TMC7: variants seen among roughly 807,000 people sequenced by gnomAD.
The protein encoded by TMC7 is transmembrane channel-like protein 7.
Under a neutral mutation model 82.9 loss-of-function variants are expected in TMC7, and 54 were observed. That is an observed-to-expected ratio of 0.65 (90% CI 0.52 to 0.82). The LOEUF (loss-of-function observed/expected upper bound fraction) is 0.82, where lower values mean the gene tolerates loss of function less well. Ranked by LOEUF, TMC7 falls within the 40% of genes least tolerant of loss-of-function variation. TMC7 has a pLI of 0.00. For synonymous variants in TMC7, 350 were observed against 337.9 expected, an observed-to-expected ratio of 1.04 and a Z score of -0.39; for missense variants, 820 against 901.2, an observed-to-expected ratio of 0.91 and a Z score of 1.15.
At chr16:18,984,862 A>T (rs1567493521) in intron 1 of TMC7, among the ~76,000 whole-genome samples, 1 of 152,214 alleles carries the variant, frequency 6.6e-6, no homozygotes, top group Non-Finnish European at 1.5e-5. Flanking sequence ...TCCTTGTAGC[A>T]TTTGGAGCTT....
intron 1 of TMC7, among the ~76,000 whole-genome samples, chr16:19,005,922 A>G (rs2039231957): frequency 6.6e-6 from 1 of 152,134 alleles, no homozygotes; most frequent in South Asian, 2.1e-4. Context: ...GCAGGGCCCC[A>G]GCCACGTGTC....
intron 14 of TMC7, 95 bp from the exon 15 acceptor site, chr16:19,059,321 G>T: frequency 6.5e-7 from 1 of 1,547,584 alleles, no homozygotes. Flanking sequence ...TCTAACAAGA[G>T]TAAAACTGTT....
intron 1 of TMC7, among the ~76,000 whole-genome samples, chr16:18,991,797 C>T (rs1014230826): frequency 2.6e-5 from 4 of 152,074 alleles, no homozygotes; most frequent in Non-Finnish European, 4.4e-5. Flanking sequence ...CAAGTGTTCT[C>T]ATTGTTCAAT....
intron 8 of TMC7, among the ~76,000 whole-genome samples, chr16:19,040,013 G>T (rs1251210312): frequency 6.6e-6 from 1 of 151,300 alleles, no homozygotes; most frequent in East Asian, 2.0e-4. Flanking sequence ...CTACTCGGGA[G>T]GCTGAGGCAG....
At chr16:18,989,861 C>T (rs1259615350) in intron 1 of TMC7, among the ~76,000 whole-genome samples, 6 of 151,556 alleles carry the variant, frequency 4.0e-5, no homozygotes, top group Non-Finnish European at 8.8e-5. Context: ...CTAGCTCTGT[C>T]GCCCAGCCTG....
chr16:19,042,560 T>C (rs889944839), intron 9 of TMC7, among the ~76,000 whole-genome samples: 7 of 151,108 alleles, frequency 4.6e-5, no homozygotes, highest in African/African-American at 1.2e-4. Flanking sequence ...CAGGCTGGAA[T>C]GCAGTGGCTC....
At chr16:19,031,983 A>G (rs1159264448) in intron 6 of TMC7, among the ~76,000 whole-genome samples, 1 of 152,154 alleles carries the variant, frequency 6.6e-6, no homozygotes, top group Non-Finnish European at 1.5e-5. Flanking sequence ...GCCAGGAAAC[A>G]TTGCTTCTGG....
chr16:19,005,670 A>T (rs1331748773), intron 1 of TMC7, among the ~76,000 whole-genome samples: 1 of 152,200 alleles, frequency 6.6e-6, no homozygotes. Context: ...CAGTAGGTCC[A>T]TGCTGTTCTA....
intron 1 of TMC7, among the ~76,000 whole-genome samples, chr16:18,989,052 CAAAAA>C (rs11351746): frequency 9.0e-6 from 1 of 111,052 alleles, no homozygotes. Flanking sequence ...GACTCTGTCT[CAAAAA>C]AAAAAAAAAA....
chr16:18,992,870 C>A (rs1382997932), intron 1 of TMC7, among the ~76,000 whole-genome samples: 1 of 152,110 alleles, frequency 6.6e-6, no homozygotes. Flanking sequence ...TTCCCCATTT[C>A]TTGTTATTGT....
At chr16:19,011,447 T>C (rs1236059053) in intron 2 of TMC7, among the ~76,000 whole-genome samples, 1 of 151,638 alleles carries the variant, frequency 6.6e-6, no homozygotes, top group Non-Finnish European at 1.5e-5. Context: ...CGCAGGAGGA[T>C]TGCTTGACAG....
At chr16:19,016,684 G>T in intron 3 of TMC7, 86 bp downstream of exon 3, 3 of 1,401,876 alleles carry the variant, frequency 2.1e-6, no homozygotes, top group Non-Finnish European at 2.9e-6. Flanking sequence ...CTAGGGTCTA[G>T]CTGAAATTGA....
rs1271259749 is a variant in TMC7 at position 18,984,127 on chromosome 16, C to A, written c.64C>A (p.Pro22Thr). Residue 22 changes from proline (P) to threonine (T), a missense_variant, in exon 1 of 16, where the codon CCA becomes ACA. Pro to Thr is a conservative substitution (Grantham distance 38). Around this residue, in one of 2 missense-constraint regions of TMC7, gnomAD observed 650 missense variants for 669.9 expected, o/e 0.97. Coordinates refer to ENST00000304381, the MANE Select transcript of TMC7 (RefSeq NM_024847.4). ...GRPSRQPAVH[P>T]ENLSLDSSCF... ...GCCCAGCCGGCAGCCGGCGGTCCAT[C>A]CAGGTAGGGCGGCAGGGAGCGCGCG... 1 of 1,499,688 alleles carries A rather than the reference C, an allele frequency of 6.7e-7. No homozygotes were observed. The highest frequency in any genetic ancestry group is 1.5e-5 in the African/African-American group (1 of 68,858). The allele number at this position is 1,499,688 out of a possible 1,614,324, so 92.9% of individuals were successfully genotyped here.
At chr16:18,987,362 G>A (rs2038870168) in intron 1 of TMC7, among the ~76,000 whole-genome samples, 1 of 152,054 alleles carries the variant, frequency 6.6e-6, no homozygotes. Flanking sequence ...CCAGGCTGGA[G>A]TGCAGTAGCG....
At chr16:19,040,031 G>T (rs899213947) in intron 8 of TMC7, among the ~76,000 whole-genome samples, 1 of 144,066 alleles carries the variant, frequency 6.9e-6, no homozygotes, top group Admixed American at 7.6e-5. Context: ...CAGGAGAATC[G>T]CATGAACCTG....
intron 1 of TMC7, among the ~76,000 whole-genome samples, chr16:19,002,214 A>C: frequency 6.9e-6 from 1 of 145,814 alleles, no homozygotes; most frequent in East Asian, 2.0e-4. Context: ...TCATTCATTC[A>C]TTCTTCAGAT....
At chr16:18,991,323 A>G (rs1365742246) in intron 1 of TMC7, among the ~76,000 whole-genome samples, 2 of 152,218 alleles carry the variant, frequency 1.3e-5, no homozygotes, top group East Asian at 3.8e-4. Flanking sequence ...AAGAATTGGG[A>G]GGACCCAGGA....
intron 12 of TMC7, among the ~76,000 whole-genome samples, chr16:19,048,292 G>C (rs1454610161): frequency 6.6e-6 from 1 of 151,684 alleles, no homozygotes; most frequent in Non-Finnish European, 1.5e-5. Context: ...ATTTATTTTC[G>C]GGTTTCAATG....
intron 1 of TMC7, among the ~76,000 whole-genome samples, chr16:18,993,740 T>A (rs1249862855): frequency 6.6e-6 from 1 of 152,158 alleles, no homozygotes. Flanking sequence ...TCTGCCCATA[T>A]AACAGCATGG....
Sources: allele counts gnomAD v4.1 joint callset (sites outside exome capture counted in the v4.1 genomes callset), GRCh38; gene constraint gnomAD v4.1.1; regional missense constraint gnomAD v4.1.1; transcripts MANE v1.5; gene names NCBI Gene and HGNC (gene_info 2026-07-23, HGNC 2026-07-21).